Variants in GYPE observed in about 807,000 individuals in gnomAD.
GYPE encodes glycophorin E (MNS blood group), also known as glycophorin-E.
GYPE carries 8 observed loss-of-function variants against 11.6 expected under a neutral mutation model. The ratio of observed to expected loss-of-function variants is 0.69; its 90% confidence interval spans 0.41 to 1.25. GYPE has a LOEUF of 1.25. Ranked by LOEUF, GYPE falls within the 50% of genes most tolerant of loss-of-function variation. GYPE has a pLI of 0.01. For missense variants in GYPE, 90 were observed against 92.8 expected (o/e 0.97, Z 0.12); for synonymous variants, 28 against 29.6 (o/e 0.94, Z 0.18).
rs780327484 is a variant in GYPE at position 143,874,094 on chromosome 4, GTATATATGTA to G, written c.*10-1852_*10-1843del. On this transcript the variant is annotated intron_variant, in intron 3 of 3. Coordinates refer to ENST00000358615, the MANE Select transcript of GYPE (RefSeq NM_198682.3). Reference sequence around the variant, plus strand: ...ACTAGCAACTGTCTTGTTGCTATATGTATATATGTATATATATGTATATATGTATTTAGTT... The same window carrying G: ...ACTAGCAACTGTCTTGTTGCTATATGTATATATGTATATATGTATTTAGTT... Among the ~76,000 whole-genome samples, 1,063 of 152,126 alleles carry G rather than the reference GTATATATGTA, an allele frequency of 7.0e-3. 11 individuals are homozygous for G. The highest frequency in any genetic ancestry group is 0.018 in the South Asian group (86 of 4,830).
chr4:143,873,324 T>C lies in GYPE; in HGVS notation c.*10-1072A>G, dbSNP rs534096276. On this transcript the variant is annotated intron_variant, in intron 3 of 3. Transcript: ENST00000358615. ...CTGATTACTTTTGATTTAAAGGTAATAGCGTTCAGCTGAGAATGGAAATAA... is the reference window on the plus strand; with the variant it reads ...CTGATTACTTTTGATTTAAAGGTAACAGCGTTCAGCTGAGAATGGAAATAA... 92 of 410,512 alleles carry C rather than the reference T, an allele frequency of 2.2e-4. No individual in the cohort carries two copies. In the Middle Eastern group the frequency reaches 2.7e-3, roughly 12 times the overall value. 25.4% of individuals were successfully genotyped at this position (410,512 alleles called of 1,614,324 possible). A position where few individuals can be genotyped will look rare whatever the true frequency, so the allele number is the denominator to read the frequency against.
chr4:143,903,011 C>G (rs1744924644), intron 1 of GYPE, among the ~76,000 whole-genome samples: 1 of 152,176 alleles, frequency 6.6e-6, no homozygotes, highest in African/African-American at 2.4e-5. Flanking sequence ...AATTTTTGCT[C>G]TTGCTCTTCC....
intron 2 of GYPE, among the ~76,000 whole-genome samples, chr4:143,877,173 T>C (rs1220787275): frequency 6.6e-6 from 1 of 152,184 alleles, no homozygotes; most frequent in Non-Finnish European, 1.5e-5. Flanking sequence ...TCAGTGGACG[T>C]TCTCCTCAGA....
intron 2 of GYPE, among the ~76,000 whole-genome samples, chr4:143,878,374 G>A (rs1248636358): frequency 1.3e-5 from 2 of 152,272 alleles, no homozygotes; most frequent in East Asian, 1.9e-4. Context: ...GGGCTCAAGC[G>A]ATTAGCCAGG....
intron 1 of GYPE, among the ~76,000 whole-genome samples, chr4:143,888,497 G>GT (rs963506135): frequency 4.1e-5 from 6 of 144,864 alleles, no homozygotes; most frequent in Non-Finnish European, 6.0e-5. Flanking sequence ...AAATGCTACA[G>GT]TTTTTTGGCA....
chr4:143,877,195 A>C (rs991148380), intron 2 of GYPE, among the ~76,000 whole-genome samples: 1 of 152,216 alleles, frequency 6.6e-6, no homozygotes, highest in African/African-American at 2.4e-5. Flanking sequence ...ATGGGGAAAA[A>C]ACCACAAATT....
chr4:143,880,910 G>A (rs1560940170), intron 1 of GYPE, among the ~76,000 whole-genome samples: 1 of 149,844 alleles, frequency 6.7e-6, no homozygotes, highest in South Asian at 2.1e-4. Context: ...ATGTATGTTG[G>A]GTATTATTGT....
intron 2 of GYPE, among the ~76,000 whole-genome samples, chr4:143,878,363 T>C (rs539766367): frequency 1.3e-3 from 199 of 152,330 alleles, no homozygotes; most frequent in African/African-American, 4.5e-3. Flanking sequence ...CTCATATTCC[T>C]GGGCTCAAGC....
chr4:143,882,761 T>A (rs1744089197), intron 1 of GYPE, among the ~76,000 whole-genome samples: 1 of 152,186 alleles, frequency 6.6e-6, no homozygotes, highest in Admixed American at 6.5e-5. Context: ...TTTACACCTT[T>A]CAGTTCAGTG....
chr4:143,875,593 G>A, intron 3 of GYPE: 5 of 1,544,906 alleles, frequency 3.2e-6, no homozygotes, highest in Non-Finnish European at 4.4e-6. Flanking sequence ...ATTGGTCACA[G>A]GCCAATCCTT....
chr4:143,872,693 T>C (rs1278879851), intron 3 of GYPE, among the ~76,000 whole-genome samples: 1 of 152,046 alleles, frequency 6.6e-6, no homozygotes, highest in African/African-American at 2.4e-5. Flanking sequence ...AGATAAAAAA[T>C]ACAGTCATCA....
chr4:143,875,858 C>G (rs1007983882), intron 3 of GYPE, among the ~76,000 whole-genome samples: 23 of 151,980 alleles, frequency 1.5e-4, no homozygotes, highest in Middle Eastern at 3.4e-3. Flanking sequence ...CCTGTAGTCC[C>G]AACTACTGTG....
intron 1 of GYPE, among the ~76,000 whole-genome samples, chr4:143,897,965 A>C (rs1435774551): frequency 6.6e-6 from 1 of 152,230 alleles, no homozygotes; most frequent in East Asian, 1.9e-4. Flanking sequence ...GAAACAAGGA[A>C]TCATAAAATA....
At chr4:143,875,443 G>GC in intron 3 of GYPE, 1 of 1,550,322 alleles carries the variant, frequency 6.5e-7, no homozygotes. Flanking sequence ...GTTTGCATAA[G>GC]CAAGAGAACA....
chr4:143,900,441 A>G (rs1744817133), intron 1 of GYPE, among the ~76,000 whole-genome samples: 1 of 124,166 alleles, frequency 8.1e-6, no homozygotes, highest in Non-Finnish European at 1.7e-5. Flanking sequence ...ACCCCTATAC[A>G]TCTTTGAGTA....
chr4:143,901,095 T>C (rs186170331), intron 1 of GYPE, among the ~76,000 whole-genome samples: 1 of 152,322 alleles, frequency 6.6e-6, no homozygotes, highest in East Asian at 1.9e-4. Context: ...CCTGCCTATG[T>C]ACGGAACCTA....
At chr4:143,872,567 C>T (rs1330943501) in intron 3 of GYPE, among the ~76,000 whole-genome samples, 1 of 151,904 alleles carries the variant, frequency 6.6e-6, no homozygotes, top group African/African-American at 2.4e-5. Flanking sequence ...AAGAAGACTA[C>T]AAGCTGCTTT....
chr4:143,895,272 A>C (rs1322788102), intron 1 of GYPE, among the ~76,000 whole-genome samples: 1 of 152,214 alleles, frequency 6.6e-6, no homozygotes, highest in Non-Finnish European at 1.5e-5. Context: ...GTCTTGGCCC[A>C]AAATCTCCTT....
At chr4:143,892,951 CT>C (rs1744470447) in intron 1 of GYPE, among the ~76,000 whole-genome samples, 1 of 148,844 alleles carries the variant, frequency 6.7e-6, no homozygotes, top group Non-Finnish European at 1.5e-5. Flanking sequence ...GTCTAAGTCT[CT>C]TTGTAGGTCA....
Sources: allele counts gnomAD v4.1 joint callset (sites outside exome capture counted in the v4.1 genomes callset), GRCh38; gene constraint gnomAD v4.1.1; transcripts MANE v1.5; gene names NCBI Gene and HGNC (gene_info 2026-07-23, HGNC 2026-07-21).